Variants in SLC5A4 observed in about 807,000 individuals in gnomAD.
SLC5A4 encodes solute carrier family 5 member 4.
Under a neutral mutation model 70.3 loss-of-function variants are expected in SLC5A4, and 55 were observed. That is an observed-to-expected ratio of 0.78 (90% confidence interval 0.63 to 0.98). The LOEUF (loss-of-function observed/expected upper bound fraction) is 0.98. Among genes scored for constraint, SLC5A4 ranks in the 50% least tolerant of loss-of-function variants. The probability of loss-of-function intolerance (pLI) is 0.00; values close to 1 mark genes in which losing one functional copy is unlikely to be tolerated. For synonymous variants in SLC5A4, 268 were observed against 305.7 expected (o/e 0.88, Z 1.29); for missense variants, 735 against 839.2 (o/e 0.88, Z 1.53).
upstream of SLC5A4, among the ~76,000 whole-genome samples, chr22:32,259,880 T>C (rs983697154): frequency 1.3e-5 from 2 of 152,210 alleles, no homozygotes; most frequent in Admixed American, 1.3e-4. Flanking sequence ...AAGGGAGTAT[T>C]CACAGGAGTA....
chr22:32,303,767 T>C, the SLC5A4 span, among the ~76,000 whole-genome samples: 1,047 of 152,302 alleles, frequency 6.9e-3, 61 homozygotes, highest in East Asian at 0.14. Flanking sequence ...TAAACACCCA[T>C]GTGCAGGTTT....
chr22:32,305,177 CCA>C, the SLC5A4 span, among the ~76,000 whole-genome samples: 1 of 151,736 alleles, frequency 6.6e-6, no homozygotes, highest in Non-Finnish European at 1.5e-5. Flanking sequence ...AAAAATTTCT[CCA>C]GTTTCTAATC....
the SLC5A4 span, among the ~76,000 whole-genome samples, chr22:32,311,611 A>G: frequency 6.6e-6 from 1 of 152,206 alleles, no homozygotes; most frequent in African/African-American, 2.4e-5. Context: ...CTGGGTTTCC[A>G]TAGCCTCGTT....
At chr22:32,249,541 T>A (rs779323794) in intron 3 of SLC5A4, among the ~76,000 whole-genome samples, 1 of 152,182 alleles carries the variant, frequency 6.6e-6, no homozygotes, top group Non-Finnish European at 1.5e-5. Context: ...GACTCCTGGA[T>A]ACTACTGAAG....
At chr22:32,262,192 G>A in the SLC5A4 span, among the ~76,000 whole-genome samples, 1 of 152,200 alleles carries the variant, frequency 6.6e-6, no homozygotes, top group Non-Finnish European at 1.5e-5. Context: ...ATGCCCAACA[G>A]TGGGATTGCT....
chr22:32,259,957 GA>G (rs1428006865), upstream of SLC5A4, among the ~76,000 whole-genome samples: 3 of 152,214 alleles, frequency 2.0e-5, no homozygotes. Flanking sequence ...GCAGACAGGG[GA>G]ACACAGGGCG....
At chr22:32,345,609 C>T in the SLC5A4 span, among the ~76,000 whole-genome samples, 1 of 152,084 alleles carries the variant, frequency 6.6e-6, no homozygotes, top group East Asian at 1.9e-4. Flanking sequence ...AAAATAAAAA[C>T]AAACACAAAA....
At chr22:32,272,791 A>G in the SLC5A4 span, 1 of 509,680 alleles carries the variant, frequency 2.0e-6, no homozygotes, top group Non-Finnish European at 3.8e-6. Context: ...GTGGGAGAAT[A>G]AGCATATCGC....
In SLC5A4 at chr22:32,237,309, A is replaced by C; in HGVS notation, c.599T>G (p.Val200Gly). ...VYTTTGGLAS[V>G]IYTDTLQTII... ...GGTCTGGAGGGTGTCTGTGTAAATC[A>C]CCGAGGCCAAGCCCCCTAGTGAGAG... Residue 200 changes from valine to glycine, a missense_variant, in exon 7 of 15, where the codon GTG (valine) becomes GGG (glycine). Transcript: ENST00000266086. 1 of 1,603,266 alleles carries C rather than the reference A, an allele frequency of 6.2e-7. No homozygotes were observed. Among genetic ancestry groups the C allele is most frequent in the East Asian group, 2.2e-5 (1 of 44,556 alleles).
At chr22:32,322,341 G>C in the SLC5A4 span, among the ~76,000 whole-genome samples, 2 of 152,188 alleles carry the variant, frequency 1.3e-5, no homozygotes, top group Non-Finnish European at 2.9e-5. Context: ...TGTAATCCCA[G>C]CACTTTGGGA....
intron 13 of SLC5A4, among the ~76,000 whole-genome samples, chr22:32,222,503 G>A (rs2049760953): frequency 6.6e-6 from 1 of 152,094 alleles, no homozygotes; most frequent in Admixed American, 6.6e-5. Context: ...CAGAAAAATG[G>A]TCTCACTGGT....
chr22:32,279,927 G>A, the SLC5A4 span, among the ~76,000 whole-genome samples: 1 of 152,108 alleles, frequency 6.6e-6, no homozygotes, highest in African/African-American at 2.4e-5. Context: ...CTGGGGGAGG[G>A]GCTGCTCAAG....
chr22:32,229,861 T>G (rs1343738711), intron 10 of SLC5A4, among the ~76,000 whole-genome samples: 3 of 152,228 alleles, frequency 2.0e-5, no homozygotes, highest in African/African-American at 7.2e-5. Flanking sequence ...AAAAGAATTT[T>G]AGTCCTAAAC....
At chr22:32,271,724 G>A in the SLC5A4 span, 1,450 of 582,806 alleles carry the variant, frequency 2.5e-3, 28 homozygotes, top group African/African-American at 0.024. Context: ...CAACTCTTTC[G>A]CTCTGTTCCA....
chr22:32,239,109 G>A lies in SLC5A4; in HGVS notation c.478-19C>T. On this transcript the variant is annotated intron_variant, in intron 5 of 14. Coordinates refer to ENST00000266086, the MANE Select transcript of SLC5A4 (RefSeq NM_014227.3). ...TGTCTGCCTAAAAAGGGAACAGTCA[G>A]GATGAGAAAGAAACATGCATTTGAG... 1.3e-6 allele frequency: 2 copies of A among 1,584,186 alleles called. No individual in the cohort carries two copies. Among genetic ancestry groups the A allele is most frequent in the South Asian group, 2.2e-5 (2 of 90,150 alleles).
chr22:32,253,124 C>T lies in SLC5A4; in HGVS notation c.207+1018G>A, dbSNP rs750763546. Among the ~76,000 whole-genome samples the T allele has an allele frequency of 2.0e-5, 3 of 152,180 alleles. No individual in the cohort carries two copies. In the East Asian group the frequency reaches 5.8e-4, roughly 29 times the overall value. On this transcript the variant is annotated intron_variant, in intron 2 of 14. Transcript: ENST00000266086. ...TCCAGTTGTTCTGCTTCAGTCACCCCAGCCAGGACAGTTGCCCATCTCCAC... is the reference window on the plus strand; with the variant it reads ...TCCAGTTGTTCTGCTTCAGTCACCCTAGCCAGGACAGTTGCCCATCTCCAC...
chr22:32,271,425 A>G, the SLC5A4 span: 59 of 774,076 alleles, frequency 7.6e-5, no homozygotes, highest in Admixed American at 9.8e-4. Context: ...GCTTATCTAC[A>G]AGGCCTTCCC....
the SLC5A4 span, among the ~76,000 whole-genome samples, chr22:32,307,787 T>A: frequency 6.6e-6 from 1 of 152,216 alleles, no homozygotes; most frequent in Admixed American, 6.5e-5. Context: ...CCCAGTGATG[T>A]ACTCCTGGAC....
chr22:32,229,934 C>A (rs1925650131), intron 10 of SLC5A4, among the ~76,000 whole-genome samples: 2 of 152,186 alleles, frequency 1.3e-5, no homozygotes, highest in South Asian at 4.1e-4. Flanking sequence ...ATCACACCAT[C>A]TTTCTTTGGG....
Sources: gnomAD v4.1 joint callset for allele counts (sites outside exome capture counted in the v4.1 genomes callset) on GRCh38, gnomAD v4.1.1 for gene constraint, MANE v1.5 for transcripts, NCBI Gene and HGNC (gene_info 2026-07-23, HGNC 2026-07-21) for gene names.